NUP37: variants seen among roughly 807,000 people sequenced by gnomAD.
NUP37 encodes nucleoporin 37.
In NUP37, 33 loss-of-function variants were observed where a neutral mutation model predicts 45.4. That is an observed-to-expected ratio of 0.73 (90% CI 0.55 to 0.97). The LOEUF is 0.97. Ranked by LOEUF, NUP37 falls within the 50% of genes least tolerant of loss-of-function variation. NUP37 has a pLI of 0.00. For missense variants in NUP37, 365 were observed against 389.7 expected (o/e 0.94, Z 0.53); for synonymous variants, 127 against 130.7 (o/e 0.97, Z 0.19).
chr12:102,081,672 A>C (rs1879335892), intron 6 of NUP37, among the ~76,000 whole-genome samples: 1 of 152,160 alleles, frequency 6.6e-6, no homozygotes, highest in South Asian at 2.1e-4. Flanking sequence ...GAAAATAGAA[A>C]GCATTCAACA....
intron 1 of NUP37, chr12:102,119,472 G>A (rs1175026080): frequency 6.6e-6 from 1 of 152,216 alleles, no homozygotes; most frequent in African/African-American, 2.4e-5. Context: ...GGACTAGTGT[G>A]CATTCTGGAA....
rs886168553 is a variant in NUP37, at chr12:102,074,821, C to CA, written c.867+179dup. On this transcript the variant is annotated intron_variant, in intron 9 of 9. Transcript: ENST00000552283. Reference sequence around the variant, plus strand: ...CTGTTGTCACTGGTAATGTAAACATCAAAAAAAAACCACACAAAAAACAAA... The same window carrying CA: ...CTGTTGTCACTGGTAATGTAAACATCAAAAAAAAAACCACACAAAAAACAAA... 1,299 of 442,428 alleles carry CA rather than the reference C, an allele frequency of 2.9e-3. 1 individual carries two copies. The highest frequency in any genetic ancestry group is 6.6e-3 in the Middle Eastern group (11 of 1,672). 27.4% of individuals were successfully genotyped at this position (442,428 alleles called of 1,614,324 possible). A position where few individuals can be genotyped will look rare whatever the true frequency, so the allele number is the denominator to read the frequency against.
At chr12:102,116,316 A>C (rs1880461737) in intron 2 of NUP37, among the ~76,000 whole-genome samples, 1 of 152,188 alleles carries the variant, frequency 6.6e-6, no homozygotes, top group Admixed American at 6.5e-5. Flanking sequence ...GTTGTTATTA[A>C]TTTTAAAAGT....
intron 3 of NUP37, among the ~76,000 whole-genome samples, chr12:102,109,042 A>T (rs1295757635): frequency 6.6e-6 from 1 of 152,214 alleles, no homozygotes; most frequent in Non-Finnish European, 1.5e-5. Flanking sequence ...TCTTACTGGG[A>T]TCTAAATAAA....
chr12:102,085,035 T>C (rs970218401), intron 6 of NUP37, among the ~76,000 whole-genome samples: 2 of 152,222 alleles, frequency 1.3e-5, no homozygotes, highest in Non-Finnish European at 2.9e-5. Flanking sequence ...AAATTTGCCT[T>C]ATGCGACTAA....
intron 5 of NUP37, among the ~76,000 whole-genome samples, chr12:102,093,475 A>T (rs1879716708): frequency 6.6e-6 from 1 of 152,082 alleles, no homozygotes; most frequent in South Asian, 2.1e-4. Flanking sequence ...TTAAAAATAA[A>T]CTTCAAAAAT....
chr12:102,099,303 CT>C, intron 4 of NUP37, 103 bp from the exon 5 acceptor site: 1 of 737,436 alleles, frequency 1.4e-6, no homozygotes, highest in East Asian at 2.7e-5. Flanking sequence ...CTTTCACTGC[CT>C]GTTTTTCTAT....
rs757069966 is a variant in NUP37 at position 102,118,356 on chromosome 12, G to A, written c.156+7C>T. On this transcript the variant is annotated splice_region_variant and intron_variant, in intron 2 of 9. Transcript: ENST00000552283. ...CACTGTCATTCGGTGCAGTTTTGTA[G>A]ACTAACCTGAAACGTACACGTGCCA... The A allele has an allele frequency of 6.2e-7, 1 of 1,609,654 alleles. No homozygotes were observed. The highest frequency in any genetic ancestry group is 8.5e-7 in the Non-Finnish European group (1 of 1,178,188).
At chr12:102,077,699 A>T (rs1879214082) in intron 6 of NUP37, among the ~76,000 whole-genome samples, 196 bp from the exon 7 acceptor site, 1 of 152,240 alleles carries the variant, frequency 6.6e-6, no homozygotes. Context: ...CAAGTGAAAA[A>T]TTCCACATAT....
At position 102,112,161 on chromosome 12, in the gene NUP37, A is replaced by G; in HGVS notation, c.228T>C (p.Asp76=). Residue 76 remains aspartate (D), a synonymous_variant, in exon 3 of 10, where the codon GAT becomes GAC. Coordinates refer to ENST00000552283, the MANE Select transcript of NUP37 (RefSeq NM_024057.4). ...LRTFHHGVRV[D]GIAWSPETRL... is the part of the protein sequence containing the mutation. ...TAGTCTCTGGGCTCCAAGCTATGCC[A>G]TCAACCCTGACTCCATGGTGAAATG... 1.9e-6 allele frequency: 3 copies of G among 1,613,964 alleles called. No homozygotes were observed. The highest frequency in any genetic ancestry group is 2.5e-6 in the Non-Finnish European group (3 of 1,179,864).
At chr12:102,080,185 C>T (rs573403612) in intron 6 of NUP37, among the ~76,000 whole-genome samples, 11 of 152,054 alleles carry the variant, frequency 7.2e-5, no homozygotes, top group African/African-American at 2.7e-4. Context: ...CTCTAGAGTA[C>T]AAAAAGGAAT....
At chr12:102,118,342 G>A (rs1414891067) in intron 2 of NUP37, 21 bp downstream of exon 2, 2 of 1,598,306 alleles carry the variant, frequency 1.3e-6, no homozygotes, top group Admixed American at 1.8e-5. Context: ...ACTGTCATTC[G>A]GTGCAGTTTT....
At chr12:102,094,966 G>C (rs958320336) in intron 5 of NUP37, among the ~76,000 whole-genome samples, 1 of 151,978 alleles carries the variant, frequency 6.6e-6, no homozygotes, top group Non-Finnish European at 1.5e-5. Flanking sequence ...TGAGGAGGAG[G>C]GATGGGATTT....
At chr12:102,110,904 A>G (rs1279814066) in intron 3 of NUP37, among the ~76,000 whole-genome samples, 1 of 152,212 alleles carries the variant, frequency 6.6e-6, no homozygotes, top group East Asian at 1.9e-4. Context: ...TGGGGAAAAG[A>G]CAAAATGGTA....
At chr12:102,104,405 C>T (rs972882365) in intron 3 of NUP37, among the ~76,000 whole-genome samples, 1 of 152,066 alleles carries the variant, frequency 6.6e-6, no homozygotes, top group African/African-American at 2.4e-5. Flanking sequence ...CAAATATTTT[C>T]CCCCATTCTA....
intron 3 of NUP37, among the ~76,000 whole-genome samples, chr12:102,108,429 T>C (rs1043787370): frequency 6.6e-6 from 1 of 152,206 alleles, no homozygotes; most frequent in Admixed American, 6.5e-5. Context: ...GCTGCAATGT[T>C]GGCTTTCCTA....
chr12:102,080,158 T>A (rs182587798), intron 6 of NUP37, among the ~76,000 whole-genome samples: 3 of 152,084 alleles, frequency 2.0e-5, no homozygotes, highest in Non-Finnish European at 4.4e-5. Context: ...AATCAGACAA[T>A]AATTTAAGGC....
Position 102,101,034 on chromosome 12 carries a change from T to C in NUP37, c.352A>G (p.Lys118Glu), listed in dbSNP as rs757620868. The change falls in exon 4 of 10, where the codon AAG becomes GAG. Residue 118 changes from lysine to glutamate, a missense_variant and splice_region_variant. Coordinates refer to ENST00000552283, the MANE Select transcript of NUP37 (RefSeq NM_024057.4). ...TSDLQDKNEY[K>E]VLEGHTDFIN... ...GATTTATATGGTTGTCAACATACCT[T>C]ATATTCATTTTTATCCTGAAGATCT... 8.0e-6 allele frequency: 12 copies of C among 1,491,894 alleles called. No individual in the cohort carries two copies. Among genetic ancestry groups the C allele is most frequent in the Non-Finnish European group, 1.0e-5 (11 of 1,089,004 alleles). The allele number at this position is 1,491,894 out of a possible 1,614,324, so 92.4% of individuals were successfully genotyped here. A position where few individuals can be genotyped will look rare whatever the true frequency, so the allele number is the denominator to read the frequency against.
Position 102,112,173 on chromosome 12 carries a change from T to C in NUP37, c.216A>G (p.Gly72=). ...TCCAAGCTATGCCATCAACCCTGAC[T>C]CCATGGTGAAATGTTCGAAGTGTTT... ...QYKTLRTFHH[G]VRVDGIAWSP... Residue 72 remains glycine (G), a synonymous_variant, in exon 3 of 10, where the codon GGA becomes GGG. Transcript: ENST00000552283. 6.2e-7 allele frequency: 1 copy of C among 1,613,702 alleles called. No homozygotes were observed. The highest frequency in any genetic ancestry group is 1.1e-5 in the South Asian group (1 of 91,078).
Sources: allele counts gnomAD v4.1 joint callset (sites outside exome capture counted in the v4.1 genomes callset), GRCh38; gene constraint gnomAD v4.1.1; transcripts MANE v1.5; gene names NCBI Gene and HGNC (gene_info 2026-07-23, HGNC 2026-07-21).